MNAT1: variants seen among roughly 807,000 people sequenced by gnomAD.
The protein encoded by MNAT1 is CDK-activating kinase assembly factor MAT1.
Under a neutral mutation model 42.0 loss-of-function variants are expected in MNAT1, and 43 were observed. The ratio of observed to expected loss-of-function variants is 1.02; its 90% confidence interval spans 0.80 to 1.32. The LOEUF (loss-of-function observed/expected upper bound fraction) is 1.32. MNAT1 is among the 40% of genes most tolerant of loss of function. MNAT1 has a pLI of 0.00. For missense variants in MNAT1, 306 were observed against 350.4 expected (o/e 0.87, Z 1.01); for synonymous variants, 118 against 120.0 (o/e 0.98, Z 0.11).
At chr14:60,839,842 G>T (rs1352327248) in intron 6 of MNAT1, among the ~76,000 whole-genome samples, 2 of 152,234 alleles carry the variant, frequency 1.3e-5, no homozygotes, top group Non-Finnish European at 2.9e-5. Context: ...ATGCCTGGCT[G>T]TGCGCTCTTG....
chr14:60,830,501 G>A (rs2033182927), intron 6 of MNAT1, among the ~76,000 whole-genome samples: 1 of 152,110 alleles, frequency 6.6e-6, no homozygotes. Context: ...ATTTTCCTGA[G>A]AAGTCCGGCT....
intron 6 of MNAT1, among the ~76,000 whole-genome samples, chr14:60,823,043 G>C (rs2032945085): frequency 6.6e-6 from 1 of 152,070 alleles, no homozygotes; most frequent in Admixed American, 6.6e-5. Context: ...ACTGTGCCCG[G>C]CTGAGGAGCA....
At chr14:60,942,324 C>A (rs2036181410) in intron 7 of MNAT1, among the ~76,000 whole-genome samples, 2 of 152,174 alleles carry the variant, frequency 1.3e-5, no homozygotes, top group African/African-American at 2.4e-5. Context: ...ATCTTGCCCT[C>A]AAGCAGTGCC....
chr14:60,753,233 G>T (rs910883409), intron 1 of MNAT1, among the ~76,000 whole-genome samples: 1 of 152,184 alleles, frequency 6.6e-6, no homozygotes, highest in Admixed American at 6.5e-5. Flanking sequence ...TTCAGCTGGG[G>T]CTCTATTCAT....
intron 1 of MNAT1, among the ~76,000 whole-genome samples, chr14:60,749,773 T>G (rs2029992397): frequency 6.6e-6 from 1 of 152,232 alleles, no homozygotes; most frequent in Non-Finnish European, 1.5e-5. Flanking sequence ...CTTAGCAACT[T>G]GTTCCTGAGA....
intron 1 of MNAT1, among the ~76,000 whole-genome samples, chr14:60,789,949 TC>T (rs1195565557): frequency 5.9e-5 from 9 of 151,910 alleles, no homozygotes; most frequent in African/African-American, 9.7e-5. Context: ...ACTTTTTCTT[TC>T]TTTTTTTTTC....
At chr14:60,907,911 A>C (rs996725380) in intron 7 of MNAT1, among the ~76,000 whole-genome samples, 1 of 151,978 alleles carries the variant, frequency 6.6e-6, no homozygotes, top group Non-Finnish European at 1.5e-5. Context: ...CATCCTTATC[A>C]CTAAGATATT....
At chr14:60,826,843 A>C (rs1260308645) in intron 6 of MNAT1, among the ~76,000 whole-genome samples, 2 of 152,026 alleles carry the variant, frequency 1.3e-5, no homozygotes, top group African/African-American at 4.8e-5. Flanking sequence ...TCTTCATTAC[A>C]TCATTCTTAG....
At chr14:60,932,890 TAAAAA>T (rs1043101215) in intron 7 of MNAT1, among the ~76,000 whole-genome samples, 4 of 152,066 alleles carry the variant, frequency 2.6e-5, no homozygotes, top group Non-Finnish European at 2.9e-5. Flanking sequence ...ACCATAATCT[TAAAAA>T]CAAAACTTTG....
At chr14:60,805,735 G>A (rs2032348686) in intron 3 of MNAT1, among the ~76,000 whole-genome samples, 1 of 152,124 alleles carries the variant, frequency 6.6e-6, no homozygotes, top group African/African-American at 2.4e-5. Context: ...CTTTATAGCT[G>A]ATTTCTTTTT....
intron 7 of MNAT1, among the ~76,000 whole-genome samples, chr14:60,959,918 ATG>A (rs1491157867): frequency 3.9e-5 from 4 of 101,824 alleles, no homozygotes; most frequent in African/African-American, 1.1e-4. Flanking sequence ...CTTGGTTTTT[ATG>A]TTTTTTTTTT....
At chr14:60,941,296 A>G (rs1486328993) in intron 7 of MNAT1, among the ~76,000 whole-genome samples, 1 of 152,240 alleles carries the variant, frequency 6.6e-6, no homozygotes, top group Non-Finnish European at 1.5e-5. Context: ...TTTATGGTCA[A>G]TACTACTGAC....
intron 1 of MNAT1, among the ~76,000 whole-genome samples, chr14:60,744,812 A>C (rs1896567104): frequency 6.6e-6 from 1 of 152,066 alleles, no homozygotes; most frequent in African/African-American, 2.4e-5. Context: ...CTCTTAGTTG[A>C]GGCATTTTTG....
intron 7 of MNAT1, among the ~76,000 whole-genome samples, chr14:60,895,893 TC>T (rs1387695907): frequency 6.6e-6 from 1 of 152,190 alleles, no homozygotes; most frequent in Non-Finnish European, 1.5e-5. Context: ...CTTATTTGTT[TC>T]TAAAATGTGG....
intron 4 of MNAT1, among the ~76,000 whole-genome samples, chr14:60,810,221 T>A (rs1222070687): frequency 6.6e-6 from 1 of 152,182 alleles, no homozygotes; most frequent in Admixed American, 6.5e-5. Context: ...TCATTTCTGA[T>A]TTTGAGTCTT....
intron 1 of MNAT1, among the ~76,000 whole-genome samples, chr14:60,765,349 A>T (rs1427051647): frequency 1.3e-5 from 2 of 152,250 alleles, no homozygotes; most frequent in African/African-American, 4.8e-5. Context: ...AGGGAGGGAA[A>T]CATCACACAC....
Position 60,964,055 on chromosome 14 carries a change from G to T in MNAT1, c.810-4174G>T, listed in dbSNP as rs546484753. On this transcript the variant is annotated intron_variant, in intron 7 of 7. Coordinates refer to ENST00000261245, the MANE Select transcript of MNAT1 (RefSeq NM_002431.4). ...GATGGTCAATATAGTGCTTTTAAAGGAAGGGAAATAGGAAAAGAGTAATCT... is the reference window on the plus strand; with the variant it reads ...GATGGTCAATATAGTGCTTTTAAAGTAAGGGAAATAGGAAAAGAGTAATCT... 2.0e-5 allele frequency among the ~76,000 whole-genome samples: 3 copies of T among 152,280 alleles called. No individual in the cohort carries two copies. The South Asian group carries it at 6.2e-4, about 32-fold the overall frequency.
At chr14:60,789,075 G>C (rs1408852333) in intron 1 of MNAT1, among the ~76,000 whole-genome samples, 2 of 152,082 alleles carry the variant, frequency 1.3e-5, no homozygotes, top group Admixed American at 1.3e-4. Context: ...TCTGTCTTTT[G>C]ATTTAAAGTG....
intron 6 of MNAT1, among the ~76,000 whole-genome samples, chr14:60,845,330 A>G (rs1418583831): frequency 6.6e-6 from 1 of 151,828 alleles, no homozygotes; most frequent in Non-Finnish European, 1.5e-5. Flanking sequence ...AGTAAGTTGT[A>G]TTTTTCAAAG....
Sources: gnomAD v4.1 joint callset for allele counts (sites outside exome capture counted in the v4.1 genomes callset) on GRCh38, gnomAD v4.1.1 for gene constraint, MANE v1.5 for transcripts, NCBI Gene and HGNC (gene_info 2026-07-23, HGNC 2026-07-21) for gene names.